NUP210: variants seen among roughly 807,000 people sequenced by gnomAD.
The protein encoded by NUP210 is nuclear pore membrane glycoprotein 210.
NUP210 carries 151 observed loss-of-function variants against 196.0 expected under a neutral mutation model. That is an observed-to-expected ratio of 0.77 (90% CI 0.67 to 0.88). NUP210 has a LOEUF of 0.88. NUP210 is among the 40% of genes least tolerant of loss of function. NUP210 has a pLI of 0.00. For synonymous variants in NUP210, 1,070 were observed against 1,052.7 expected (o/e 1.02, Z -0.32); for missense variants, 2,314 against 2,493.7 (o/e 0.93, Z 1.53).
At chr3:13,329,038 A>G (rs1180494129) in intron 30 of NUP210, 92 bp from the exon 31 acceptor site, 4 of 1,094,094 alleles carry the variant, frequency 3.7e-6, no homozygotes, top group Non-Finnish European at 4.0e-6. Context: ...ACCTGCCCCC[A>G]GCAGGATCCA....
chr3:13,365,732 C>T lies in NUP210; in HGVS notation c.1932+214G>A, dbSNP rs532968751. ...GCCTGCCAAGCGCTGTCTCGCGTAACCACAGAGATGCCCACAACCACTGCC... is the reference window on the plus strand; with the variant it reads ...GCCTGCCAAGCGCTGTCTCGCGTAATCACAGAGATGCCCACAACCACTGCC... On this transcript the variant is annotated intron_variant, in intron 14 of 39. Transcript: ENST00000254508. Among the ~76,000 whole-genome samples the T allele has an allele frequency of 1.2e-4, 18 of 152,354 alleles. No individual in the cohort carries two copies. The East Asian group carries it at 2.3e-3, about 20-fold the overall frequency.
chr3:13,359,505 G>A (rs1422974409), intron 15 of NUP210, among the ~76,000 whole-genome samples: 1 of 152,220 alleles, frequency 6.6e-6, no homozygotes, highest in Non-Finnish European at 1.5e-5. Context: ...AGGCATGCAT[G>A]TGCGTTTTAT....
Position 13,373,759 on chromosome 3 carries a change from C to G in NUP210, c.1546G>C (p.Ala516Pro), listed in dbSNP as rs781712739. 1 of 1,614,032 alleles carries G rather than the reference C, an allele frequency of 6.2e-7. No homozygotes were observed. ...GSDIGFSVIQ[A>P]HDVQNPLHFG... ...TGGAGTGGGTTCTGCACATCATGTG[C>G]CTGGATCACACTGAACCCGATGTCA... The change falls in exon 12 of 40, where the codon GCA (alanine) becomes CCA (proline). Residue 516 changes from alanine (A) to proline (P), a missense_variant. Physicochemically the swap from Ala to Pro is conservative, Grantham distance 27. Coordinates refer to ENST00000254508, the MANE Select transcript of NUP210 (RefSeq NM_024923.4).
intron 2 of NUP210, among the ~76,000 whole-genome samples, chr3:13,398,410 T>C (rs1699734761): frequency 6.6e-6 from 1 of 152,160 alleles, no homozygotes; most frequent in South Asian, 2.1e-4. Context: ...ACCACTGCAC[T>C]CCAGCTGGGT....
chr3:13,372,398 C>T lies in NUP210; in HGVS notation c.1588-366G>A, dbSNP rs1040037172. ...GGGCAGTGGAAAGAGACGGGGCTGG[C>T]AACCATGGTGAGGAATCAGTGTTTA... On this transcript the variant is annotated intron_variant, in intron 12 of 39. Transcript: ENST00000254508. Among the ~76,000 whole-genome samples the T allele has an allele frequency of 1.6e-4, 24 of 152,316 alleles. 3 individuals are homozygous for T. The highest frequency in any genetic ancestry group is 8.5e-4 in the Admixed American group (13 of 15,302).
At position 13,323,313 on chromosome 3, in the gene NUP210, C is replaced by A; in HGVS notation, c.4764G>T (p.Leu1588=). Residue 1588 remains leucine (L), a synonymous_variant, in exon 34 of 40, where the codon CTG becomes CTT. Coordinates refer to ENST00000254508, the MANE Select transcript of NUP210 (RefSeq NM_024923.4). This position sits in a 1 kb window ranked among gnomAD's most constrained non-coding sequence, Gnocchi z 4.3. ...CCCAAGCCCCTCATTAAGTACCTCT[C>A]AGGTTAGAGCTTCTGTCTCCCACGG... ...IVAVGDRSSN[L]RGECTPTQRE... is the part of the protein sequence containing the mutation. 6.2e-7 allele frequency: 1 copy of A among 1,614,132 alleles called. No individual in the cohort carries two copies. The highest frequency in any genetic ancestry group is 1.1e-5 in the South Asian group (1 of 91,068).
intron 9 of NUP210, 50 bp downstream of exon 9, chr3:13,377,406 G>T (rs369808887): frequency 4.3e-6 from 6 of 1,383,558 alleles, no homozygotes; most frequent in Non-Finnish European, 6.2e-6. Flanking sequence ...AGCCGCGTCA[G>T]ACAACGACCC....
chr3:13,329,039 G>T, intron 30 of NUP210, 93 bp from the exon 31 acceptor site: 2 of 1,095,356 alleles, frequency 1.8e-6, no homozygotes, highest in Non-Finnish European at 2.7e-6. Context: ...CCTGCCCCCA[G>T]CAGGATCCAC....
rs886865238 is a variant in NUP210, at chr3:13,340,896, G to A, written c.3229-598C>T. 6.6e-6 allele frequency among the ~76,000 whole-genome samples: 1 copy of A among 152,170 alleles called. No individual in the cohort carries two copies. The highest frequency in any genetic ancestry group is 1.5e-5 in the Non-Finnish European group (1 of 68,024). On this transcript the variant is annotated intron_variant, in intron 23 of 39. Coordinates refer to ENST00000254508, the MANE Select transcript of NUP210 (RefSeq NM_024923.4). This position sits in a 1 kb window ranked among gnomAD's most constrained non-coding sequence, Gnocchi z 4.0. Reference sequence around the variant, plus strand: ...TACAAGAGCCTGCCTGGCAAGAGTAGGTGAGTGGACGCAGGAGGTGGCCAG... The same window carrying A: ...TACAAGAGCCTGCCTGGCAAGAGTAAGTGAGTGGACGCAGGAGGTGGCCAG...
At chr3:13,352,238 C>G in intron 18 of NUP210, 54 bp from the exon 19 acceptor site, 1 of 1,393,194 alleles carries the variant, frequency 7.2e-7, no homozygotes, top group Non-Finnish European at 1.0e-6. Context: ...TAGGCTGCCC[C>G]TCGGGAAGAA....
intron 1 of NUP210, among the ~76,000 whole-genome samples, chr3:13,409,840 A>ATTT (rs35874792): frequency 6.8e-6 from 1 of 147,614 alleles, no homozygotes; most frequent in African/African-American, 2.5e-5. Flanking sequence ...CTGAATACTA[A>ATTT]TTTTTTTTTT....
chr3:13,385,322 G>T (rs1414509069), intron 6 of NUP210, among the ~76,000 whole-genome samples: 2 of 152,208 alleles, frequency 1.3e-5, no homozygotes, highest in African/African-American at 4.8e-5. Context: ...AAACTCACCT[G>T]ACTGAGGCCC....
chr3:13,362,721 C>T (rs550668533), intron 14 of NUP210, among the ~76,000 whole-genome samples: 27 of 152,210 alleles, frequency 1.8e-4, no homozygotes, highest in African/African-American at 6.3e-4. Flanking sequence ...CTGCTGTAAC[C>T]CATCCCCGGA....
At chr3:13,371,795 A>G (rs1698739374) in intron 13 of NUP210, 39 bp downstream of exon 13, 3 of 1,553,000 alleles carry the variant, frequency 1.9e-6, no homozygotes, top group East Asian at 2.4e-5. Context: ...TCTGGCCCCA[A>G]TCCCAGTATC....
At position 13,321,839 on chromosome 3, in the gene NUP210, C is replaced by G; in HGVS notation, c.4916-4G>C. 1 of 1,602,306 alleles carries G rather than the reference C, an allele frequency of 6.2e-7. No individual in the cohort carries two copies. Among genetic ancestry groups the G allele is most frequent in the Non-Finnish European group, 8.5e-7 (1 of 1,179,342 alleles). On this transcript the variant is annotated splice_polypyrimidine_tract_variant and splice_region_variant and intron_variant, in intron 35 of 39. Transcript: ENST00000254508. The stretch of plus-strand genomic sequence containing the variant: ...GTGATTGAGCAGAAGTACTGGCCTG[C>G]GAAGACAAGGGTGTATTGTCTTGTC...
intron 30 of NUP210, among the ~76,000 whole-genome samples, chr3:13,329,286 C>A (rs1208756412): frequency 6.6e-6 from 1 of 152,224 alleles, no homozygotes; most frequent in Non-Finnish European, 1.5e-5. Context: ...GAACCTGGCT[C>A]TTGGGGCATT....
At position 13,399,741 on chromosome 3, in the gene NUP210, G is replaced by A. The variant is rs780530931; in HGVS notation, c.288C>T (p.Ile96=). Residue 96 remains isoleucine, a synonymous_variant, in exon 2 of 40, where the codon ATC becomes ATT. Transcript: ENST00000254508. ...LTQPARLTSI[I]FAEDITTGQV... is the part of the protein sequence containing the mutation. ...AGCCCTTACTGATGTCCTCTGCGAA[G>A]ATGATGCTGGTGAGGCGGGCAGGCT... 1 of 1,614,180 alleles carries A rather than the reference G, an allele frequency of 6.2e-7. No individual in the cohort carries two copies. Among genetic ancestry groups the A allele is most frequent in the African/African-American group, 1.3e-5 (1 of 75,058 alleles).
chr3:13,408,914 G>T (rs1700078408), intron 1 of NUP210, among the ~76,000 whole-genome samples: 1 of 152,148 alleles, frequency 6.6e-6, no homozygotes, highest in Non-Finnish European at 1.5e-5. Flanking sequence ...GCTCCGTGCA[G>T]CAGCAGGTCT....
chr3:13,344,510 G>A (rs1171930498), intron 20 of NUP210, among the ~76,000 whole-genome samples: 3 of 151,912 alleles, frequency 2.0e-5, no homozygotes, highest in African/African-American at 7.3e-5. Flanking sequence ...CAAAGCTAGA[G>A]TTTCAATATC....
Sources: gnomAD v4.1 joint callset for allele counts (sites outside exome capture counted in the v4.1 genomes callset) on GRCh38, gnomAD v4.1.1 for gene constraint, Gnocchi (gnomAD v3.1) non-coding constraint, MANE v1.5 for transcripts, NCBI Gene and HGNC (gene_info 2026-07-23, HGNC 2026-07-21) for gene names.